PTPRT: variants seen among roughly 807,000 people sequenced by gnomAD.
The protein encoded by PTPRT is receptor-type tyrosine-protein phosphatase T.
A neutral mutation model predicts 176.8 loss-of-function variants in PTPRT; 56 were observed. The observed-to-expected ratio is 0.32, with a 90% CI of 0.26 to 0.40. PTPRT has a LOEUF of 0.40. PTPRT is among the 10% of genes least tolerant of loss of function. The probability of loss-of-function intolerance (pLI) is 1.00; values close to 1 mark genes in which losing one functional copy is unlikely to be tolerated. For synonymous variants in PTPRT, 783 were observed against 739.0 expected, an observed-to-expected ratio of 1.06 and a Z score of -0.96; for missense variants, 1,540 against 1,908.2, an observed-to-expected ratio of 0.81 and a Z score of 3.60.
At chr20:42,561,759 C>A (rs2072955105) in intron 7 of PTPRT, among the ~76,000 whole-genome samples, 1 of 152,160 alleles carries the variant, frequency 6.6e-6, no homozygotes, top group African/African-American at 2.4e-5. Flanking sequence ...GCAGGTGCTG[C>A]CAGTTCACAC....
chr20:42,880,646 G>T (rs2078999606), intron 2 of PTPRT, among the ~76,000 whole-genome samples: 1 of 152,164 alleles, frequency 6.6e-6, no homozygotes, highest in South Asian at 2.1e-4. Context: ...GGAAGGCAGG[G>T]CTAGGAACTG....
intron 9 of PTPRT, among the ~76,000 whole-genome samples, chr20:42,405,139 AATC>A (rs1440005062): frequency 6.6e-6 from 1 of 151,370 alleles, no homozygotes; most frequent in Non-Finnish European, 1.5e-5. Context: ...GCTAAAAAGA[AATC>A]ATCATACATT....
At chr20:42,872,661 AC>A (rs1179082121) in intron 2 of PTPRT, among the ~76,000 whole-genome samples, 5 of 152,224 alleles carry the variant, frequency 3.3e-5, no homozygotes, top group Non-Finnish European at 7.3e-5. Flanking sequence ...TTCATAAATT[AC>A]AAGTCAAAGA....
At chr20:42,033,667 T>C in the PTPRT span, among the ~76,000 whole-genome samples, 1 of 152,182 alleles carries the variant, frequency 6.6e-6, no homozygotes, top group Non-Finnish European at 1.5e-5. Flanking sequence ...CTGTGTGAGC[T>C]TGGATAAATT....
chr20:43,135,575 A>G (rs534714209), intron 1 of PTPRT, among the ~76,000 whole-genome samples: 9 of 152,346 alleles, frequency 5.9e-5, no homozygotes, highest in African/African-American at 2.2e-4. Flanking sequence ...TTTACCTCCT[A>G]TTCAATGTAG....
intron 7 of PTPRT, among the ~76,000 whole-genome samples, chr20:42,633,661 C>A (rs1284546833): frequency 1.4e-5 from 2 of 147,214 alleles, no homozygotes; most frequent in Admixed American, 1.4e-4. Flanking sequence ...TAGCACACGC[C>A]TGTAATCCCA....
intron 1 of PTPRT, among the ~76,000 whole-genome samples, chr20:43,109,493 G>T (rs1489922023): frequency 6.6e-6 from 1 of 152,030 alleles, no homozygotes; most frequent in Non-Finnish European, 1.5e-5. Flanking sequence ...CTCAAGATTT[G>T]ATATTCACAC....
intron 7 of PTPRT, among the ~76,000 whole-genome samples, chr20:42,496,594 T>C (rs1276897894): frequency 1.3e-5 from 2 of 152,034 alleles, no homozygotes; most frequent in Non-Finnish European, 1.5e-5. Context: ...TATTAGCTCC[T>C]GAATTTCTCC....
chr20:43,005,638 T>C (rs550038954), intron 1 of PTPRT, among the ~76,000 whole-genome samples: 1 of 152,332 alleles, frequency 6.6e-6, no homozygotes, highest in East Asian at 1.9e-4. Flanking sequence ...GCAATGTATG[T>C]TTCAGAAAGC....
intron 21 of PTPRT, among the ~76,000 whole-genome samples, chr20:42,115,637 C>T (rs939954581): frequency 3.9e-5 from 6 of 152,224 alleles, no homozygotes; most frequent in Non-Finnish European, 8.8e-5. Flanking sequence ...TTATTGTCCC[C>T]ACTTTACAGA....
chr20:42,263,074 G>C (rs1456570579), intron 13 of PTPRT, among the ~76,000 whole-genome samples: 1 of 152,162 alleles, frequency 6.6e-6, no homozygotes, highest in Non-Finnish European at 1.5e-5. Context: ...ACGGGTTACA[G>C]GATGCTGAGG....
chr20:43,069,281 C>T (rs777902182), intron 1 of PTPRT, among the ~76,000 whole-genome samples: 4 of 152,224 alleles, frequency 2.6e-5, no homozygotes, highest in Admixed American at 6.5e-5. Context: ...TGGGACACTT[C>T]GTAGCCATGC....
intron 12 of PTPRT, among the ~76,000 whole-genome samples, chr20:42,299,751 G>A (rs975592867): frequency 4.2e-5 from 6 of 141,628 alleles, no homozygotes; most frequent in South Asian, 2.3e-4. Flanking sequence ...GGTTTCAAGC[G>A]ATTCTCCTGC....
intron 1 of PTPRT, among the ~76,000 whole-genome samples, chr20:43,093,118 C>T (rs181918364): frequency 6.6e-6 from 1 of 152,288 alleles, no homozygotes; most frequent in Non-Finnish European, 1.5e-5. Flanking sequence ...ACATAACAAG[C>T]ATGTATTATT....
At chr20:42,999,504 C>G (rs1984411083) in intron 1 of PTPRT, among the ~76,000 whole-genome samples, 1 of 151,920 alleles carries the variant, frequency 6.6e-6, no homozygotes, top group African/African-American at 2.4e-5. Context: ...GAGTGTAATC[C>G]TAACACATTG....
chr20:42,436,847 A>G (rs1200513886), intron 9 of PTPRT, among the ~76,000 whole-genome samples: 2 of 152,266 alleles, frequency 1.3e-5, no homozygotes, highest in Non-Finnish European at 2.9e-5. Flanking sequence ...ACAGCAGTCA[A>G]GATGAATGGA....
intron 5 of PTPRT, among the ~76,000 whole-genome samples, chr20:42,764,580 TG>T (rs1033245760): frequency 2.0e-5 from 3 of 152,138 alleles, no homozygotes; most frequent in African/African-American, 7.2e-5. Context: ...CATGGAAGAA[TG>T]AGCCCAGGAC....
intron 19 of PTPRT, among the ~76,000 whole-genome samples, chr20:42,125,052 A>G (rs950479852): frequency 2.0e-5 from 3 of 152,118 alleles, no homozygotes; most frequent in Non-Finnish European, 4.4e-5. Flanking sequence ...CACTCAATCA[A>G]GGGCTTCAGT....
chr20:42,091,954 G>T (rs866642391), intron 27 of PTPRT, among the ~76,000 whole-genome samples: 4 of 152,334 alleles, frequency 2.6e-5, no homozygotes, highest in African/African-American at 9.6e-5. Flanking sequence ...GGAAGGGTTG[G>T]AGTTTAGGAA....
Sources: allele counts gnomAD v4.1 joint callset (sites outside exome capture counted in the v4.1 genomes callset), GRCh38; gene constraint gnomAD v4.1.1; transcripts MANE v1.5; gene names NCBI Gene and HGNC (gene_info 2026-07-23, HGNC 2026-07-21).